DNM3: variants seen among roughly 807,000 people sequenced by gnomAD.
The protein encoded by DNM3 is dynamin 3.
In DNM3, 47 loss-of-function variants were observed where a neutral mutation model predicts 101.6. That is an observed-to-expected ratio of 0.46 (90% CI 0.37 to 0.59). The LOEUF (loss-of-function observed/expected upper bound fraction) is 0.59. Among genes scored for constraint, DNM3 ranks in the 20% least tolerant of loss-of-function variants. DNM3 has a pLI of 0.00. For synonymous variants in DNM3, 385 were observed against 387.9 expected (o/e 0.99, Z 0.09); for missense variants, 849 against 1,085.7 (o/e 0.78, Z 3.06).
intron 1 of DNM3, among the ~76,000 whole-genome samples, chr1:171,913,517 C>T (rs1022287560): frequency 1.3e-5 from 2 of 152,096 alleles, no homozygotes; most frequent in African/African-American, 2.4e-5. Context: ...CTTCCTCTAG[C>T]GATTAAAATT....
chr1:172,182,411 A>G (rs755821164), intron 14 of DNM3, among the ~76,000 whole-genome samples: 2 of 152,122 alleles, frequency 1.3e-5, no homozygotes, highest in Non-Finnish European at 2.9e-5. Context: ...AACCATCATT[A>G]CATACCTTAA....
At chr1:172,233,783 C>A (rs1207757602) in intron 14 of DNM3, among the ~76,000 whole-genome samples, 2 of 152,140 alleles carry the variant, frequency 1.3e-5, no homozygotes, top group African/African-American at 4.8e-5. Context: ...GAACCAACGA[C>A]AAAAACCACA....
At position 171,971,721 on chromosome 1, in the gene DNM3, A is replaced by C. The variant is rs536410913; in HGVS notation, c.236-15935A>C. 9.8e-5 allele frequency among the ~76,000 whole-genome samples: 15 copies of C among 152,300 alleles called. No homozygotes were observed. The South Asian group carries it at 3.1e-3, about 32-fold the overall frequency. On this transcript the variant is annotated intron_variant, in intron 2 of 20. Coordinates refer to ENST00000627582, the MANE Select transcript of DNM3 (RefSeq NM_015569.5). ...AAGGCTTGCTAAAAAAACAAAAACAAAAACAAAAAACCCAGAAAACCTTAT... is the reference window on the plus strand; with the variant it reads ...AAGGCTTGCTAAAAAAACAAAAACACAAACAAAAAACCCAGAAAACCTTAT...
intron 14 of DNM3, among the ~76,000 whole-genome samples, chr1:172,153,930 C>A (rs369478774): frequency 6.6e-6 from 1 of 152,012 alleles, no homozygotes; most frequent in East Asian, 1.9e-4. Context: ...TATTTAAAAG[C>A]AGTTTTCTAA....
chr1:172,296,382 T>C (rs2064162209), intron 15 of DNM3, among the ~76,000 whole-genome samples: 1 of 152,240 alleles, frequency 6.6e-6, no homozygotes, highest in Admixed American at 6.5e-5. Context: ...AAATGGTCTG[T>C]AGCCAAGGCC....
At chr1:172,013,206 G>A (rs575626092) in intron 4 of DNM3, among the ~76,000 whole-genome samples, 17 of 151,682 alleles carry the variant, frequency 1.1e-4, no homozygotes, top group South Asian at 6.2e-4. Context: ...GCTATGTTTC[G>A]TCCCATTTCT....
chr1:171,970,288 G>A (rs1282434715), intron 2 of DNM3: 1 of 278,254 alleles, frequency 3.6e-6, no homozygotes, highest in African/African-American at 2.3e-5. Context: ...AACATTTTTG[G>A]GAAATTGACT....
intron 1 of DNM3, among the ~76,000 whole-genome samples, chr1:171,896,527 ATC>A (rs1367984730): frequency 2.6e-5 from 4 of 152,214 alleles, no homozygotes; most frequent in African/African-American, 9.6e-5. Flanking sequence ...GAAGTTGCTT[ATC>A]AGCTTAAGGA....
At chr1:171,909,530 A>C (rs2039117841) in intron 1 of DNM3, among the ~76,000 whole-genome samples, 1 of 152,126 alleles carries the variant, frequency 6.6e-6, no homozygotes, top group African/African-American at 2.4e-5. Flanking sequence ...CGTATTTTAA[A>C]GATGTAGAAA....
At chr1:171,862,608 G>A (rs1433018714) in intron 1 of DNM3, among the ~76,000 whole-genome samples, 1 of 152,070 alleles carries the variant, frequency 6.6e-6, no homozygotes, top group African/African-American at 2.4e-5. Context: ...CTACTAATGG[G>A]TATGGAGTTT....
intron 14 of DNM3, among the ~76,000 whole-genome samples, chr1:172,151,626 A>T (rs911484888): frequency 2.0e-5 from 3 of 152,156 alleles, no homozygotes; most frequent in African/African-American, 7.2e-5. Context: ...TTTGCTGAAA[A>T]GCTAGTAGAT....
In DNM3 at chr1:172,044,426, T is replaced by C. The variant is rs2049616619; in HGVS notation, c.1170T>C (p.Tyr390=). ...AAGAATTGCGAAGAGAAATAAGCTA[T>C]GCAATCAAAAACATACATGGTATCA... ...NEKELRREIS[Y]AIKNIHGIRT... The change falls in exon 9 of 21, where the codon TAT becomes TAC. Residue 390 remains tyrosine (Y), a synonymous_variant. Transcript: ENST00000627582. 2 of 1,608,784 alleles carry C rather than the reference T, an allele frequency of 1.2e-6. No individual in the cohort carries two copies. Among genetic ancestry groups the C allele is most frequent in the South Asian group, 2.2e-5 (2 of 89,466 alleles).
rs138846562 is a variant in DNM3 at position 172,127,703 on chromosome 1, C to T, written c.1546-3472C>T. Among the ~76,000 whole-genome samples the T allele has an allele frequency of 2.7e-3, 406 of 152,132 alleles. 3 individuals carry two copies. Among genetic ancestry groups the T allele is most frequent in the African/African-American group, 9.2e-3 (383 of 41,514 alleles). On this transcript the variant is annotated intron_variant, in intron 13 of 20. Transcript: ENST00000627582. ...GGATTACAGGTGTCAGCACCGTGCT[C>T]GGCCCTCTCTACTAATTATGAATCA...
intron 2 of DNM3, among the ~76,000 whole-genome samples, chr1:171,968,230 A>G (rs1354704681): frequency 2.6e-5 from 4 of 152,330 alleles, no homozygotes; most frequent in African/African-American, 9.6e-5. Flanking sequence ...TTCTGTGATG[A>G]CAGAAACTCA....
intron 20 of DNM3, 71 bp downstream of exon 20, chr1:172,388,880 T>G: frequency 1.6e-6 from 2 of 1,261,584 alleles, no homozygotes; most frequent in Non-Finnish European, 2.2e-6. Context: ...CAGACAAAAT[T>G]TATTTGAAAG....
chr1:172,381,721 A>C (rs910200384), intron 18 of DNM3, among the ~76,000 whole-genome samples: 9 of 152,038 alleles, frequency 5.9e-5, no homozygotes, highest in Non-Finnish European at 1.3e-4. Context: ...AAGTGAAGAG[A>C]TCTTCAAATG....
chr1:172,412,704 T>TAACA lies in DNM3; in HGVS notation c.*4864_*4867dup. 1 of 985,826 alleles carries TAACA rather than the reference T, an allele frequency of 1.0e-6. No homozygotes were observed. Among genetic ancestry groups the TAACA allele is most frequent in the Non-Finnish European group, 1.2e-6 (1 of 829,878 alleles). The allele number at this position is 985,826 out of a possible 1,614,324, so 61.1% of individuals were successfully genotyped here. On this transcript the variant is annotated 3_prime_UTR_variant, in exon 21 of 21. Coordinates refer to ENST00000627582, the MANE Select transcript of DNM3 (RefSeq NM_015569.5). ...GTATTTCTGAAGCTGAAATAAATTA[T>TAACA]AACATTTGAAGGACCCCTTTTCCTC... is the stretch of plus-strand genomic sequence containing the variant.
rs567628006 is a variant in DNM3 at position 171,891,615 on chromosome 1, A to C, written c.162-30133A>C. ...CTTCTTAGATGTGACAATTTCTCAG[A>C]CTTTATTTCTTATGACCTTGACAGT... On this transcript the variant is annotated intron_variant, in intron 1 of 20. Coordinates refer to ENST00000627582, the MANE Select transcript of DNM3 (RefSeq NM_015569.5). Among the ~76,000 whole-genome samples the C allele has an allele frequency of 3.9e-5, 6 of 152,150 alleles. No individual in the cohort carries two copies. In the South Asian group the frequency reaches 1.2e-3, roughly 32 times the overall value.
At chr1:172,120,158 T>G (rs1260402268) in intron 13 of DNM3, among the ~76,000 whole-genome samples, 2 of 151,682 alleles carry the variant, frequency 1.3e-5, no homozygotes, top group Non-Finnish European at 1.5e-5. Flanking sequence ...GAAAAAGAGG[T>G]TTAATGGACT....
Sources: allele counts gnomAD v4.1 joint callset (sites outside exome capture counted in the v4.1 genomes callset), GRCh38; gene constraint gnomAD v4.1.1; transcripts MANE v1.5; gene names NCBI Gene and HGNC (gene_info 2026-07-23, HGNC 2026-07-21).